The following KMT2C variants were observed in gnomAD, a reference collection of about 807,000 sequenced individuals.
The protein encoded by KMT2C is histone-lysine N-methyltransferase 2C.
A neutral mutation model predicts 507.9 loss-of-function variants in KMT2C; 88 were observed. The ratio of observed to expected loss-of-function variants is 0.17; its 90% CI spans 0.15 to 0.21. The LOEUF is 0.21. KMT2C is among the 10% of genes least tolerant of loss of function. KMT2C has a pLI of 1.00. For synonymous variants in KMT2C, 2,049 were observed against 2,080.8 expected (o/e 0.98, Z 0.42); for missense variants, 4,954 against 5,957.8 (o/e 0.83, Z 5.55).
At chr7:152,363,847 AC>A (rs1385234314) in intron 1 of KMT2C, among the ~76,000 whole-genome samples, 1 of 152,206 alleles carries the variant, frequency 6.6e-6, no homozygotes, top group Non-Finnish European at 1.5e-5. Flanking sequence ...ATCCCAGAAG[AC>A]TGAACAAGAA....
At chr7:152,419,003 G>C (rs886090818) in intron 1 of KMT2C, among the ~76,000 whole-genome samples, 2 of 152,078 alleles carry the variant, frequency 1.3e-5, no homozygotes, top group Non-Finnish European at 2.9e-5. Context: ...AGACCAGCCT[G>C]GGTGACATAG....
intron 25 of KMT2C, 77 bp downstream of exon 25, chr7:152,205,029 A>G (rs2094262370): frequency 1.2e-6 from 1 of 859,950 alleles, no homozygotes; most frequent in Admixed American, 2.7e-5. Flanking sequence ...ATTATTTAGG[A>G]TAGTTTTTTC....
intron 27 of KMT2C, among the ~76,000 whole-genome samples, chr7:152,196,771 A>G (rs2093976518): frequency 6.6e-6 from 1 of 152,234 alleles, no homozygotes; most frequent in African/African-American, 2.4e-5. Context: ...ATGACTGAGC[A>G]TAAAACTAAA....
intron 1 of KMT2C, among the ~76,000 whole-genome samples, chr7:152,391,165 A>AAAAAAAAAAAAAC: frequency 6.7e-6 from 1 of 149,428 alleles, no homozygotes. Flanking sequence ...AAAAAAAAAA[A>AAAAAAAAAAAAAC]AAGCCTTAAA....
chr7:152,255,106 CACTTATATATATAT>C (rs1563604436), intron 9 of KMT2C, among the ~76,000 whole-genome samples: 2 of 75,476 alleles, frequency 2.6e-5, no homozygotes, highest in African/African-American at 1.1e-4. Context: ...AATCAACTCT[CACTTATATATATAT>C]ATATATATAT....
At chr7:152,182,944 CA>C in intron 35 of KMT2C, 29 bp downstream of exon 35, 1 of 1,514,208 alleles carries the variant, frequency 6.6e-7, no homozygotes, top group East Asian at 2.4e-5. Context: ...AATGCAACTT[CA>C]AAAAGTAGAT....
rs144979844 is a variant in KMT2C at position 152,340,439 on chromosome 7, T to G, written c.251-9700A>C. ...TCCCTCCCTTCTTTTGAAAGAAGTC[T>G]GCCTCCTGACAGTTATGTTTTCTGG... On this transcript the variant is annotated intron_variant, in intron 2 of 58. Transcript: ENST00000262189. 2.5e-3 allele frequency among the ~76,000 whole-genome samples: 375 copies of G among 152,322 alleles called. 1 individual carries two copies. Among genetic ancestry groups the G allele is most frequent in the African/African-American group, 8.6e-3 (357 of 41,564 alleles).
chr7:152,182,658 G>A (rs930355049), intron 35 of KMT2C, 64 bp from the exon 36 acceptor site: 2 of 1,390,620 alleles, frequency 1.4e-6, no homozygotes, highest in East Asian at 4.7e-5. Flanking sequence ...CCATCATGGG[G>A]GGAAAAAGCA....
intron 2 of KMT2C, among the ~76,000 whole-genome samples, chr7:152,351,451 CATTAT>C (rs1305710924): frequency 6.6e-6 from 1 of 152,140 alleles, no homozygotes; most frequent in Non-Finnish European, 1.5e-5. Context: ...TTCTCCGCTC[CATTAT>C]AATTTTATGG....
At chr7:152,153,863 T>G in intron 48 of KMT2C, 147 bp downstream of exon 48, 1 of 735,312 alleles carries the variant, frequency 1.4e-6, no homozygotes, top group South Asian at 2.1e-5. Flanking sequence ...CAAAGGCAGC[T>G]GAGAGGTCTG....
In KMT2C at chr7:152,258,502, T is replaced by TTGTTGTTGTTGTTGTTGC. The variant is rs1310083643; in HGVS notation, c.1299+4496_1299+4513dup. Among the ~76,000 whole-genome samples the TTGTTGTTGTTGTTGTTGC allele has an allele frequency of 1.7e-3, 252 of 151,904 alleles. 1 individual carries two copies. The highest frequency in any genetic ancestry group is 3.4e-3 in the Middle Eastern group (1 of 294). ...ATGGCATCATCAGGCAGTAAGTTTG[T>TTGTTGTTGTTGTTGTTGC]TGTTGTTGTTGTTGTTGCTGTTGTT... On this transcript the variant is annotated intron_variant, in intron 9 of 58. Transcript: ENST00000262189.
At chr7:152,155,023 A>G (rs2091941390) in intron 46 of KMT2C, 1 of 152,324 alleles carries the variant, frequency 6.6e-6, no homozygotes, top group African/African-American at 2.4e-5. Flanking sequence ...TGAGGTGAGA[A>G]AAACAAAAGA....
intron 2 of KMT2C, 128 bp from the exon 3 acceptor site, chr7:152,330,867 CAAGAA>C (rs2096875799): frequency 3.5e-6 from 3 of 862,800 alleles, no homozygotes; most frequent in Non-Finnish European, 5.4e-6. Flanking sequence ...TTCACTAACA[CAAGAA>C]AAGTTCATGC....
intron 1 of KMT2C, among the ~76,000 whole-genome samples, chr7:152,369,807 TA>T: frequency 6.6e-6 from 1 of 152,250 alleles, no homozygotes; most frequent in Middle Eastern, 3.4e-3. Context: ...ATAAACCAAA[TA>T]AATCTTTTTC....
chr7:152,308,673 C>CAAAAAAAAAAAAAAAAAAAAAAAAAAA (rs938826373), intron 6 of KMT2C, among the ~76,000 whole-genome samples: 1 of 24,566 alleles, frequency 4.1e-5, no homozygotes, highest in African/African-American at 1.5e-4. Context: ...AAACTCCTCT[C>CAAAAAAAAAAAAAAAAAAAAAAAAAAA]AAAAAAAAAA....
At chr7:152,339,302 T>C (rs1159395406) in intron 2 of KMT2C, among the ~76,000 whole-genome samples, 2 of 152,214 alleles carry the variant, frequency 1.3e-5, no homozygotes, top group Non-Finnish European at 2.9e-5. Flanking sequence ...TAAGAAAATA[T>C]TAAGAATGTA....
intron 20 of KMT2C, among the ~76,000 whole-genome samples, chr7:152,223,632 A>G (rs1563468147): frequency 6.6e-6 from 1 of 151,998 alleles, no homozygotes; most frequent in Non-Finnish European, 1.5e-5. Flanking sequence ...TGTCTCTACT[A>G]AAAATACAAA....
intron 1 of KMT2C, among the ~76,000 whole-genome samples, chr7:152,395,157 A>G (rs947759042): frequency 4.6e-5 from 7 of 152,192 alleles, no homozygotes; most frequent in African/African-American, 1.7e-4. Context: ...ATGACTCATT[A>G]CAACAATAGT....
rs139610952 is a variant in KMT2C at position 152,163,646 on chromosome 7, G to A, written c.9931C>T (p.Leu3311Phe). The A allele has an allele frequency of 3.1e-4, 504 of 1,613,024 alleles. No individual in the cohort carries two copies. The highest frequency in any genetic ancestry group is 3.7e-4 in the Non-Finnish European group (441 of 1,179,308). Residue 3311 changes from leucine (L) to phenylalanine (F), a missense_variant, in exon 43 of 59, where the codon CTT becomes TTT. Leu to Phe is a conservative substitution (Grantham distance 22). Around this residue, in one of 29 missense-constraint regions of KMT2C, gnomAD observed 801 missense variants for 751.2 expected, o/e 1.07. Transcript: ENST00000262189. ...QPTFPMVPQQ[L>F]QHQQHTTVIS... Reference sequence around the variant, plus strand: ...ACTGTTGTGTGCTGCTGGTGCTGAAGCTGCTGTGGCACCATGGGAAAGGTG... The same window carrying A: ...ACTGTTGTGTGCTGCTGGTGCTGAAACTGCTGTGGCACCATGGGAAAGGTG...
Sources: allele counts gnomAD v4.1 joint callset (sites outside exome capture counted in the v4.1 genomes callset), GRCh38; gene constraint gnomAD v4.1.1; regional missense constraint gnomAD v4.1.1; transcripts MANE v1.5; gene names NCBI Gene and HGNC (gene_info 2026-07-23, HGNC 2026-07-21).